The following GLB1L3 variants were observed in gnomAD, a reference collection of about 807,000 sequenced individuals.
GLB1L3 encodes beta-galactosidase-1-like protein 3.
A neutral mutation model predicts 89.5 loss-of-function variants in GLB1L3; 89 were observed. That is an observed-to-expected ratio of 0.99 (90% CI 0.84 to 1.19). The LOEUF (loss-of-function observed/expected upper bound fraction) is 1.19. Among genes scored for constraint, GLB1L3 ranks in the 50% most tolerant of loss-of-function variants. GLB1L3 has a pLI of 0.00. For synonymous variants in GLB1L3, 314 were observed against 312.3 expected (o/e 1.01, Z -0.06); for missense variants, 812 against 813.3 (o/e 1.00, Z 0.02).
rs933259619 is a variant in GLB1L3 at position 134,311,236 on chromosome 11, G to A, written c.1287+66G>A. 1.5e-5 allele frequency: 18 copies of A among 1,188,354 alleles called. No individual in the cohort carries two copies. The African/African-American group carries it at 2.6e-4, about 17-fold the overall frequency. The allele number at this position is 1,188,354 out of a possible 1,614,324, so 73.6% of individuals were successfully genotyped here. ...AGGGATGGGGGAGGGATTCCTTCAG[G>A]AAACTTTTTATTAGGAAGTGGGAAA... On this transcript the variant is annotated intron_variant, in intron 13 of 19. Coordinates refer to ENST00000431683, the MANE Select transcript of GLB1L3 (RefSeq NM_001080407.3).
At chr11:134,300,417 C>T (rs1347774209) in intron 9 of GLB1L3, among the ~76,000 whole-genome samples, 1 of 151,510 alleles carries the variant, frequency 6.6e-6, no homozygotes, top group South Asian at 2.1e-4. Flanking sequence ...ACTGCAAGCT[C>T]CACCTCCTGG....
chr11:134,309,828 C>T, intron 11 of GLB1L3, 65 bp downstream of exon 11: 1 of 1,566,638 alleles, frequency 6.4e-7, no homozygotes, highest in Non-Finnish European at 8.7e-7. Context: ...AGAGGAGGCT[C>T]CGGAAGCCTG....
rs1332319856 is a variant in GLB1L3 at position 134,311,098 on chromosome 11, C to A, written c.1215C>A (p.Pro405=). Residue 405 remains proline (P), a synonymous_variant, in exon 13 of 20, where the codon CCC becomes CCA. Coordinates refer to ENST00000431683, the MANE Select transcript of GLB1L3 (RefSeq NM_001080407.3). ...TPLPRVPKLP[P]KAVYPPVRPS... ...TGCCCCGAGTACCCAAACTTCCTCC[C>A]AAGGCTGTGTATCCCCCCGTGAGAC... 2 of 1,613,910 alleles carry A rather than the reference C, an allele frequency of 1.2e-6. No individual in the cohort carries two copies. Among genetic ancestry groups the A allele is most frequent in the Non-Finnish European group, 1.7e-6 (2 of 1,179,868 alleles).
chr11:134,313,620 C>T (rs1404698158), intron 16 of GLB1L3, 146 bp downstream of exon 16: 3 of 728,210 alleles, frequency 4.1e-6, no homozygotes, highest in East Asian at 2.7e-5. Flanking sequence ...AAAATCGGCC[C>T]CTCGCCCTTG....
chr11:134,303,739 C>T (rs187093674), intron 9 of GLB1L3, among the ~76,000 whole-genome samples: 1 of 152,206 alleles, frequency 6.6e-6, no homozygotes, highest in East Asian at 1.9e-4. Context: ...AGTTTTAGCC[C>T]AATATTTATC....
At chr11:134,296,680 T>G (rs1178418866) in intron 9 of GLB1L3, among the ~76,000 whole-genome samples, 2 of 109,368 alleles carry the variant, frequency 1.8e-5, no homozygotes, top group Admixed American at 1.4e-4. Flanking sequence ...CATCACACTC[T>G]GGGGACTGTT....
At position 134,288,786 on chromosome 11, in the gene GLB1L3, C is replaced by T; in HGVS notation, c.637-12C>T. 6.2e-7 allele frequency: 1 copy of T among 1,606,924 alleles called. No homozygotes were observed. The highest frequency in any genetic ancestry group is 1.1e-5 in the South Asian group (1 of 90,280). ...AGCCTCACTCTTTAACCCTCCTATG[C>T]TTGTTTCTCAGTACCGCCAGGCAGG... On this transcript the variant is annotated splice_polypyrimidine_tract_variant and intron_variant, in intron 6 of 19. Transcript: ENST00000431683.
chr11:134,278,227 C>T lies in GLB1L3; in HGVS notation c.362+315C>T, dbSNP rs551386589. 7.9e-5 allele frequency among the ~76,000 whole-genome samples: 12 copies of T among 152,134 alleles called. No individual in the cohort carries two copies. The South Asian group carries it at 1.2e-3, about 16-fold the overall frequency. The stretch of plus-strand genomic sequence containing the variant: ...TCAGTTTAATGACATAAGCTTAAGG[C>T]ACACTTACAGATAAATATGTACTTA... On this transcript the variant is annotated intron_variant, in intron 3 of 19. Coordinates refer to ENST00000431683, the MANE Select transcript of GLB1L3 (RefSeq NM_001080407.3).
chr11:134,296,596 A>G (rs1472124270), intron 9 of GLB1L3, among the ~76,000 whole-genome samples: 1 of 147,710 alleles, frequency 6.8e-6, no homozygotes, highest in African/African-American at 2.5e-5. Flanking sequence ...TCAAGAACAA[A>G]AAACCAAACA....
intron 10 of GLB1L3, among the ~76,000 whole-genome samples, chr11:134,308,360 C>T: frequency 1.3e-5 from 1 of 78,892 alleles, no homozygotes; most frequent in Non-Finnish European, 2.5e-5. Context: ...TCACCACTAC[C>T]ACCACCACCA....
chr11:134,276,257 C>A, upstream of GLB1L3: 1 of 153,936 alleles, frequency 6.5e-6, no homozygotes, highest in Non-Finnish European at 1.4e-5. Flanking sequence ...TCTCCTGCCC[C>A]TCGTGGCCCT....
chr11:134,319,979 G>C (rs1046483956), downstream of GLB1L3, among the ~76,000 whole-genome samples: 9 of 152,006 alleles, frequency 5.9e-5, no homozygotes, highest in Admixed American at 5.2e-4. Context: ...TATAGTCAAG[G>C]CTACTACTGA....
At chr11:134,286,588 A>G (rs977898069) in intron 6 of GLB1L3, among the ~76,000 whole-genome samples, 1 of 151,794 alleles carries the variant, frequency 6.6e-6, no homozygotes, top group Non-Finnish European at 1.5e-5. Flanking sequence ...CATCTTGGCT[A>G]ACACGGTGAA....
intron 9 of GLB1L3, among the ~76,000 whole-genome samples, chr11:134,303,647 T>G (rs1019871944): frequency 1.6e-4 from 24 of 152,256 alleles, no homozygotes; most frequent in African/African-American, 5.3e-4. Context: ...ATGCATCTTC[T>G]GGATTTTTCT....
At chr11:134,284,907 C>T (rs960194715) in intron 6 of GLB1L3, among the ~76,000 whole-genome samples, 4 of 148,780 alleles carry the variant, frequency 2.7e-5, no homozygotes, top group Admixed American at 6.7e-5. Flanking sequence ...GGGAAGAACA[C>T]AGGTGCCATG....
downstream of GLB1L3, among the ~76,000 whole-genome samples, chr11:134,323,228 TA>T (rs1160342288): frequency 6.6e-6 from 1 of 152,176 alleles, no homozygotes; most frequent in African/African-American, 2.4e-5. Flanking sequence ...GACTTTAAGA[TA>T]ACAAAAATTG....
chr11:134,293,093 C>T (rs1159115866), intron 8 of GLB1L3, 52 bp from the exon 9 acceptor site: 8 of 1,505,816 alleles, frequency 5.3e-6, no homozygotes, highest in African/African-American at 1.4e-5. Context: ...CCTTCCCTTC[C>T]CTGACAGCAC....
intron 13 of GLB1L3, 129 bp downstream of exon 13, chr11:134,311,299 G>T: frequency 1.3e-6 from 1 of 752,526 alleles, no homozygotes; most frequent in Non-Finnish European, 2.3e-6. Context: ...TAGAACTGTG[G>T]GACAAGAGCC....
At chr11:134,312,994 G>T (rs551437645) in intron 15 of GLB1L3, 107 bp downstream of exon 15, 8 of 834,646 alleles carry the variant, frequency 9.6e-6, no homozygotes, top group Middle Eastern at 2.4e-4. Context: ...TGCTGGTGCT[G>T]CTGCTCACCT....
Sources: gnomAD v4.1 joint callset for allele counts (sites outside exome capture counted in the v4.1 genomes callset) on GRCh38, gnomAD v4.1.1 for gene constraint, MANE v1.5 for transcripts, NCBI Gene and HGNC (gene_info 2026-07-23, HGNC 2026-07-21) for gene names.